The following MYH7B variants were observed in gnomAD, a reference collection of about 807,000 sequenced individuals.
MYH7B encodes myosin heavy chain 7B.
Under a neutral mutation model 234.5 loss-of-function variants are expected in MYH7B, and 205 were observed. The observed-to-expected ratio is 0.87, with a 90% confidence interval of 0.78 to 0.98. The LOEUF is 0.98. MYH7B is among the 50% of genes least tolerant of loss of function. The pLI is 0.00. For synonymous variants in MYH7B, 1,193 were observed against 1,105.0 expected, an observed-to-expected ratio of 1.08 and a Z score of -1.58; for missense variants, 2,652 against 2,633.4, an observed-to-expected ratio of 1.01 and a Z score of -0.15.
At chr20:34,997,482 G>A (rs542735186) in exon 32 of MYH7B, 1 of 1,544,188 alleles carries the variant, frequency 6.5e-7, no homozygotes, top group East Asian at 2.5e-5. Context: ...GGCCACAGTG[G>A]CGGCACTGCG....
chr20:34,985,239 T>C, intron 13 of MYH7B, 110 bp downstream of exon 13: 1 of 1,030,210 alleles, frequency 9.7e-7, no homozygotes, highest in Non-Finnish European at 1.5e-6. Context: ...TGGGCACTTC[T>C]CTCTACCCCC....
rs2082405014 is a variant in MYH7B at position 35,002,175 on chromosome 20, A to G, written c.5815-2A>G. On this transcript the variant is annotated splice_acceptor_variant, in intron 44 of 44. Transcript: ENST00000262873. LOFTEE classifies it high-confidence loss of function. The stretch of plus-strand genomic sequence containing the variant: ...CTCACTCAGCTATCCCTTTCTCCTC[A>G]GCACAAGGAGTGACGGCCTGACCCC... The G allele has an allele frequency of 6.4e-7, 1 of 1,557,868 alleles. No homozygotes were observed. Among genetic ancestry groups the G allele is most frequent in the Non-Finnish European group, 8.7e-7 (1 of 1,153,870 alleles).
In MYH7B at chr20:34,984,852, A is replaced by C; in HGVS notation, c.649-2A>C. The C allele has an allele frequency of 1.2e-6, 2 of 1,613,230 alleles. No individual in the cohort carries two copies. The highest frequency in any genetic ancestry group is 1.7e-6 in the Non-Finnish European group (2 of 1,179,340). ...CAGACCCCCTCACCCCCACCGCCCC[A>C]GGGCACCCTTGAGGATCAAATCATC... On this transcript the variant is annotated splice_acceptor_variant, in intron 11 of 44. Coordinates refer to ENST00000262873, the Ensembl canonical transcript of MYH7B. LOFTEE classifies it high-confidence loss of function.
chr20:34,999,770 CTGCCT>C lies in MYH7B; in HGVS notation c.4666-20_4666-16del, dbSNP rs2082335312. ...GGCCATCCCCCCCCCCCACCCTACC[CTGCCT>C]GCTCTGTATCCACAGGGGGCCCTGG... On this transcript the variant is annotated splice_polypyrimidine_tract_variant and intron_variant, in intron 37 of 44. Coordinates refer to ENST00000262873, the Ensembl canonical transcript of MYH7B. The C allele has an allele frequency of 4.0e-6, 4 of 992,820 alleles. No individual in the cohort carries two copies. The highest frequency in any genetic ancestry group is 6.0e-6 in the Non-Finnish European group (4 of 666,064). The allele number at this position is 992,820 out of a possible 1,614,324, so 61.5% of individuals were successfully genotyped here.
chr20:34,987,035 A>AGTGTAGTTGTGTC, intron 15 of MYH7B, 46 bp downstream of exon 15: 1 of 1,610,078 alleles, frequency 6.2e-7, no homozygotes, highest in Non-Finnish European at 8.5e-7. Context: ...CCTGTGGTGG[A>AGTGTAGTTGTGTC]ATCGGGCAGC....
intron 2 of MYH7B, among the ~76,000 whole-genome samples, chr20:34,973,153 C>T (rs1323170221): frequency 6.6e-6 from 1 of 152,198 alleles, no homozygotes; most frequent in Non-Finnish European, 1.5e-5. Context: ...CTCAGTCCTG[C>T]CCCGCTCCCC....
chr20:35,000,434 T>C (rs1325866283), exon 39 of MYH7B: 1 of 1,601,832 alleles, frequency 6.2e-7, no homozygotes, highest in East Asian at 2.2e-5. Flanking sequence ...ATGCCACCCG[T>C]CAGGCCACAG....
chr20:34,986,121 T>A, exon 14 of MYH7B: 1 of 1,590,366 alleles, frequency 6.3e-7, no homozygotes, highest in Non-Finnish European at 8.6e-7. Context: ...AAGTCGCGGG[T>A]GATCTTCCAG....
At chr20:34,996,753 C>G (rs1178918718) in exon 30 of MYH7B, 1 of 1,610,834 alleles carries the variant, frequency 6.2e-7, no homozygotes, top group Non-Finnish European at 8.5e-7. Context: ...AGGAGAAGCT[C>G]AAGAAGTAGG....
exon 39 of MYH7B, chr20:35,000,410 G>A: frequency 1.2e-6 from 2 of 1,600,868 alleles, no homozygotes; most frequent in Non-Finnish European, 1.7e-6. Context: ...ACGACCTGGA[G>A]CTGCAGCTGG....
At chr20:34,990,386 C>T in intron 22 of MYH7B, 76 bp downstream of exon 22, 1 of 1,530,674 alleles carries the variant, frequency 6.5e-7, no homozygotes, top group Non-Finnish European at 9.1e-7. Flanking sequence ...GCCCTGTCCC[C>T]TGTGCCTTGG....
At chr20:34,992,973 C>T in intron 24 of MYH7B, 129 bp from the exon 25 acceptor site, 1 of 1,194,250 alleles carries the variant, frequency 8.4e-7, no homozygotes, top group East Asian at 2.4e-5. Flanking sequence ...TCTGCACCAG[C>T]CTCGGAGAGG....
At position 34,990,775 on chromosome 20, in the gene MYH7B, C is replaced by CA; in HGVS notation, c.2016dup (p.Gln673ThrfsTer68). 6.2e-7 allele frequency: 1 copy of CA among 1,614,202 alleles called. No homozygotes were observed. Among genetic ancestry groups the CA allele is most frequent in the Non-Finnish European group, 8.5e-7 (1 of 1,180,014 alleles). The stretch of plus-strand genomic sequence containing the variant: ...AAGCTGATGACCAACCTGCGGGCCA[C>CA]ACAGCCCCACTTCGTCCGCTGCATT... On this transcript the variant is annotated frameshift_variant, in exon 23 of 45. Transcript: ENST00000262873. LOFTEE classifies it high-confidence loss of function.
chr20:34,988,259 G>A, exon 19 of MYH7B: 1 of 1,611,498 alleles, frequency 6.2e-7, no homozygotes, highest in South Asian at 1.1e-5. Flanking sequence ...ACCTCATCGA[G>A]AAGGTGGGTG....
chr20:34,975,335 GC>G (rs942278825), intron 2 of MYH7B, 64 bp from the exon 3 acceptor site: 5 of 532,366 alleles, frequency 9.4e-6, no homozygotes, highest in African/African-American at 7.6e-5. Flanking sequence ...CTCCTGAGTA[GC>G]TGAGACTACA....
At position 34,998,928 on chromosome 20, in the gene MYH7B, C is replaced by G. The variant is rs772014441; in HGVS notation, c.4190+13C>G. 2 of 1,607,844 alleles carry G rather than the reference C, an allele frequency of 1.2e-6. No individual in the cohort carries two copies. Among genetic ancestry groups the G allele is most frequent in the African/African-American group, 2.7e-5 (2 of 74,850 alleles). On this transcript the variant is annotated intron_variant, in intron 35 of 44. Transcript: ENST00000262873. The stretch of plus-strand genomic sequence containing the variant: ...TGGAGGAGGCCAAGTGAGTGCTTTG[C>G]TGGCCAGGCCACTGCCATGCAGAGC...
intron 1 of MYH7B, among the ~76,000 whole-genome samples, chr20:34,956,676 G>A (rs534661459): frequency 6.6e-6 from 1 of 152,308 alleles, no homozygotes; most frequent in East Asian, 1.9e-4. Flanking sequence ...TTGAAGGATG[G>A]ATAGGAAGGT....
intron 37 of MYH7B, 30 bp from the exon 38 acceptor site, chr20:34,999,761 C>CCT (rs1491488831): frequency 4.9e-6 from 5 of 1,014,646 alleles, no homozygotes; most frequent in South Asian, 1.8e-5. Flanking sequence ...CCCCCCCCCC[C>CCT]ACCCTACCCT....
chr20:34,995,497 C>T, exon 28 of MYH7B: 1 of 1,614,166 alleles, frequency 6.2e-7, no homozygotes, highest in Non-Finnish European at 8.5e-7. Flanking sequence ...AGGACGAGTG[C>T]ACGGAGCTCA....
Sources: allele counts gnomAD v4.1 joint callset (sites outside exome capture counted in the v4.1 genomes callset), GRCh38; gene constraint gnomAD v4.1.1; transcripts MANE v1.5; gene names NCBI Gene and HGNC (gene_info 2026-07-23, HGNC 2026-07-21).